Variants in CDH13 observed in about 807,000 individuals in gnomAD.
The protein encoded by CDH13 is cadherin 13.
In CDH13, 24 loss-of-function variants were observed where a neutral mutation model predicts 63.8. That is an observed-to-expected ratio of 0.38 (90% confidence interval 0.27 to 0.53). The LOEUF is 0.53. Ranked by LOEUF, CDH13 falls within the 20% of genes least tolerant of loss-of-function variation. The pLI, the probability that CDH13 is intolerant of heterozygous loss-of-function variation, is 0.85. For missense variants in CDH13, 1,049 were observed against 903.1 expected (o/e 1.16, Z -2.07); for synonymous variants, 503 against 355.3 (o/e 1.42, Z -4.67).
chr16:83,131,481 A>G (rs780308863), intron 4 of CDH13, among the ~76,000 whole-genome samples: 2 of 152,042 alleles, frequency 1.3e-5, no homozygotes, highest in Non-Finnish European at 2.9e-5. Context: ...TCCCCCTTCA[A>G]AGTATGACTA....
intron 4 of CDH13, among the ~76,000 whole-genome samples, chr16:83,173,475 TG>T (rs1216627031): frequency 1.3e-5 from 2 of 152,002 alleles, no homozygotes; most frequent in Non-Finnish European, 2.9e-5. Context: ...CAAGATCTCT[TG>T]GGACTGGTGT....
Position 82,883,397 on chromosome 16 carries a change from C to A in CDH13, c.157+24924C>A, listed in dbSNP as rs530983377. On this transcript the variant is annotated intron_variant, in intron 2 of 13. Transcript: ENST00000567109. ...ACACTTGAGTGTCTATCAGAGTCAC[C>A]TGGGGGAACGTGTGCAAATGCAGAT... Among the ~76,000 whole-genome samples the A allele has an allele frequency of 2.6e-5, 4 of 152,306 alleles. No individual in the cohort carries two copies. In the South Asian group the frequency reaches 8.3e-4, roughly 32 times the overall value.
intron 9 of CDH13, among the ~76,000 whole-genome samples, chr16:83,671,788 C>T (rs1048787996): frequency 6.6e-6 from 1 of 152,160 alleles, no homozygotes; most frequent in African/African-American, 2.4e-5. Context: ...TCTATGGCAA[C>T]AAGTAGAACA....
At chr16:83,536,063 C>T (rs2150638062) in intron 7 of CDH13, among the ~76,000 whole-genome samples, 1 of 152,248 alleles carries the variant, frequency 6.6e-6, no homozygotes, top group Non-Finnish European at 1.5e-5. Context: ...TCACCCAGGA[C>T]AACATTTGCA....
At chr16:83,567,591 T>TTTTTTG (rs1163230396) in intron 7 of CDH13, among the ~76,000 whole-genome samples, 7 of 152,142 alleles carry the variant, frequency 4.6e-5, no homozygotes, top group Admixed American at 3.3e-4. Context: ...TCGTCTGTTG[T>TTTTTTG]TTTTTGTTTT....
intron 3 of CDH13, among the ~76,000 whole-genome samples, chr16:83,032,733 C>T (rs1916482115): frequency 6.6e-6 from 1 of 152,254 alleles, no homozygotes; most frequent in East Asian, 1.9e-4. Flanking sequence ...TTGTGATGTT[C>T]TGGTTGGCCA....
intron 2 of CDH13, among the ~76,000 whole-genome samples, chr16:82,916,158 T>A (rs775373013): frequency 1.3e-5 from 2 of 152,206 alleles, no homozygotes; most frequent in Non-Finnish European, 2.9e-5. Context: ...CGTTTATTTG[T>A]CACTTTCAAT....
chr16:83,502,243 GC>G (rs1372027295), intron 7 of CDH13, among the ~76,000 whole-genome samples: 2 of 152,176 alleles, frequency 1.3e-5, no homozygotes, highest in Admixed American at 1.3e-4. Context: ...ATCCAGATGG[GC>G]CTGATATAAT....
intron 4 of CDH13, among the ~76,000 whole-genome samples, chr16:83,168,178 C>T (rs1382586730): frequency 6.6e-6 from 1 of 151,834 alleles, no homozygotes; most frequent in Non-Finnish European, 1.5e-5. Context: ...GCACTTGTAC[C>T]CGCTGAATCT....
At chr16:82,669,395 T>C (rs758327590) in intron 1 of CDH13, among the ~76,000 whole-genome samples, 10 of 152,220 alleles carry the variant, frequency 6.6e-5, no homozygotes, top group East Asian at 3.8e-4. Context: ...TACTGCCACA[T>C]TGATAAAGTC....
chr16:83,089,482 A>G (rs539928916), intron 3 of CDH13, among the ~76,000 whole-genome samples: 1 of 152,306 alleles, frequency 6.6e-6, no homozygotes, highest in East Asian at 1.9e-4. Context: ...TGCAGGCGTC[A>G]GGAATCTGAA....
intron 2 of CDH13, among the ~76,000 whole-genome samples, chr16:82,921,998 G>A (rs2042170916): frequency 6.6e-6 from 1 of 152,024 alleles, no homozygotes; most frequent in African/African-American, 2.4e-5. Flanking sequence ...TTGGTAATTT[G>A]TGTCATTCTA....
At chr16:83,789,160 T>C (rs753659592) in intron 13 of CDH13, among the ~76,000 whole-genome samples, 4 of 152,110 alleles carry the variant, frequency 2.6e-5, no homozygotes, top group Admixed American at 6.6e-5. Context: ...CAGGAACAGG[T>C]AACCACCAGT....
In CDH13 at chr16:83,175,790, A is replaced by T. The variant is rs528436502; in HGVS notation, c.484-41555A>T. ...TGTATAATATGCTCACAAAAATAAG[A>T]TCATAATATACATACTGTTTTTTCA... On this transcript the variant is annotated intron_variant, in intron 4 of 13. Transcript: ENST00000567109. Among the ~76,000 whole-genome samples the T allele has an allele frequency of 1.3e-4, 20 of 150,036 alleles. 1 individual carries two copies. The South Asian group carries it at 1.5e-3, about 11-fold the overall frequency.
chr16:83,172,728 C>T (rs1425715858), intron 4 of CDH13, among the ~76,000 whole-genome samples: 3 of 151,996 alleles, frequency 2.0e-5, no homozygotes, highest in African/African-American at 7.2e-5. Context: ...ACCCAATCTA[C>T]AGTACTTTGT....
At chr16:83,018,004 C>T (rs1472195427) in intron 2 of CDH13, among the ~76,000 whole-genome samples, 1 of 152,164 alleles carries the variant, frequency 6.6e-6, no homozygotes, top group African/African-American at 2.4e-5. Flanking sequence ...TGTGAAAAAA[C>T]TCTCTTCTTT....
intron 3 of CDH13, among the ~76,000 whole-genome samples, chr16:83,050,139 T>TA (rs1015757097): frequency 2.5e-4 from 38 of 151,992 alleles, no homozygotes; most frequent in Admixed American, 4.6e-4. Flanking sequence ...CAAGATCTCT[T>TA]AAAAAAAACC....
At chr16:83,416,934 C>T (rs1003865616) in intron 6 of CDH13, among the ~76,000 whole-genome samples, 1 of 152,124 alleles carries the variant, frequency 6.6e-6, no homozygotes, top group Non-Finnish European at 1.5e-5. Flanking sequence ...TAGAACAGTG[C>T]CCGGCACATG....
In CDH13 at chr16:83,589,458, G is replaced by A. The variant is rs561447366; in HGVS notation, c.961-12996G>A. On this transcript the variant is annotated intron_variant, in intron 7 of 13. Transcript: ENST00000567109. ...CTGCCTCCCTCTCATGAGGACTCTCGTGATCACATTGGGCCCATTCAGTTT... is the reference window on the plus strand; with the variant it reads ...CTGCCTCCCTCTCATGAGGACTCTCATGATCACATTGGGCCCATTCAGTTT... Among the ~76,000 whole-genome samples the A allele has an allele frequency of 8.6e-5, 13 of 151,052 alleles. No individual in the cohort carries two copies. The East Asian group carries it at 9.8e-4, about 11-fold the overall frequency.
Sources: allele counts gnomAD v4.1 joint callset (sites outside exome capture counted in the v4.1 genomes callset), GRCh38; gene constraint gnomAD v4.1.1; transcripts MANE v1.5; gene names NCBI Gene and HGNC (gene_info 2026-07-23, HGNC 2026-07-21).